RPL4: variants seen among roughly 807,000 people sequenced by gnomAD.
The protein encoded by RPL4 is ribosomal protein L4, also known as large ribosomal subunit protein uL4.
RPL4 carries 3 observed loss-of-function variants against 47.7 expected under a neutral mutation model. That is an observed-to-expected ratio of 0.06 (90% CI 0.03 to 0.16). The LOEUF (loss-of-function observed/expected upper bound fraction) is 0.16, where lower values mean the gene tolerates loss of function less well. Ranked by LOEUF, RPL4 falls within the 10% of genes least tolerant of loss-of-function variation. The probability of loss-of-function intolerance (pLI) is 1.00; values close to 1 mark genes in which losing one functional copy is unlikely to be tolerated. For synonymous variants in RPL4, 208 were observed against 182.1 expected (o/e 1.14, Z -1.15); for missense variants, 413 against 551.3 (o/e 0.75, Z 2.51).
Position 66,503,500 on chromosome 15 carries a change from G to A in RPL4, c.33C>T (p.Tyr11=), listed in dbSNP as rs777018351. MACARPLISV[Y]SEKGESSGKN... ...TGCCAGATGACTCCCCCTTTTCGGA[G>A]TACACCGATATCAGTGGGCGAGCAC... The change falls in exon 2 of 10, where the codon TAC becomes TAT. Residue 11 remains tyrosine, a synonymous_variant. Transcript: ENST00000307961. 8 of 1,609,544 alleles carry A rather than the reference G, an allele frequency of 5.0e-6. No homozygotes were observed. In the South Asian group the frequency reaches 5.5e-5, roughly 11 times the overall value.
intron 1 of RPL4, among the ~76,000 whole-genome samples, chr15:66,504,466 G>T (rs528592201): frequency 6.6e-6 from 1 of 152,308 alleles, no homozygotes; most frequent in South Asian, 2.1e-4. Context: ...TAATAGAAAT[G>T]ATTCCCAAGC....
intron 1 of RPL4, 50 bp from the exon 2 acceptor site, chr15:66,503,579 A>G (rs913552805): frequency 6.5e-7 from 1 of 1,531,318 alleles, no homozygotes; most frequent in African/African-American, 1.4e-5. Context: ...TGTTTGAAGC[A>G]AACTCTTCTC....
chr15:66,500,450 T>C (rs895835127), intron 7 of RPL4, 74 bp from the exon 8 acceptor site: 2 of 1,305,744 alleles, frequency 1.5e-6, no homozygotes, highest in African/African-American at 2.9e-5. Flanking sequence ...TGAAGCTTTA[T>C]TTTTAGCCAC....
At chr15:66,500,732 C>T (rs1294278127) in intron 7 of RPL4, 16 of 594,820 alleles carry the variant, frequency 2.7e-5, no homozygotes, top group Middle Eastern at 8.7e-4. Flanking sequence ...CAGTAAGCCA[C>T]GATCACACCA....
chr15:66,501,516 G>A lies in RPL4; in HGVS notation c.547-12C>T, dbSNP rs372120666. On this transcript the variant is annotated splice_polypyrimidine_tract_variant and intron_variant, in intron 5 of 9. Coordinates refer to ENST00000307961, the MANE Select transcript of RPL4 (RefSeq NM_000968.4). ...TGAGAGGCATAGACCTACAAAGTGA[G>A]CAGTTTTAGTATTCTGATTAAGATA... 1.2e-6 allele frequency: 2 copies of A among 1,613,882 alleles called. No individual in the cohort carries two copies. The highest frequency in any genetic ancestry group is 2.2e-5 in the South Asian group (2 of 91,050).
chr15:66,501,059 A>T lies in RPL4; in HGVS notation c.723T>A (p.Ala241=). ...AGAAACGTCCCACATGCCCACCAGG[A>T]GCAAGCTTCAAAATGTTCAGCTTGC... ...NVSKLNILKL[A]PGGHVGRFCI... The change falls in exon 7 of 10, where the codon GCT becomes GCA. Residue 241 remains alanine (A), a synonymous_variant. Coordinates refer to ENST00000307961, the MANE Select transcript of RPL4 (RefSeq NM_000968.4). 1 of 1,614,048 alleles carries T rather than the reference A, an allele frequency of 6.2e-7. No homozygotes were observed. The highest frequency in any genetic ancestry group is 8.5e-7 in the Non-Finnish European group (1 of 1,180,008).
Position 66,502,454 on chromosome 15 carries a change from G to T in RPL4, c.421+158C>A, listed in dbSNP as rs1214425440. ...TGTCAAGATCAAATCAGTGTAACTG[G>T]AATATCCATGAACTAAAATATTTTA... On this transcript the variant is annotated intron_variant, in intron 4 of 9. Coordinates refer to ENST00000307961, the MANE Select transcript of RPL4 (RefSeq NM_000968.4). The T allele has an allele frequency of 1.7e-5, 13 of 760,618 alleles. No individual in the cohort carries two copies. The East Asian group carries it at 3.6e-4, about 21-fold the overall frequency. The allele number at this position is 760,618 out of a possible 1,614,324, so 47.1% of individuals were successfully genotyped here.
At chr15:66,501,330 A>T in intron 6 of RPL4, 45 bp downstream of exon 6, 1 of 1,613,242 alleles carries the variant, frequency 6.2e-7, no homozygotes, top group Non-Finnish European at 8.5e-7. Flanking sequence ...AGCTGAGTAG[A>T]CTTGCAGAGT....
intron 7 of RPL4, 199 bp from the exon 8 acceptor site, chr15:66,500,575 C>T (rs1893590247): frequency 1.7e-6 from 1 of 591,120 alleles, no homozygotes; most frequent in African/African-American, 1.9e-5. Flanking sequence ...GGGTGGATCA[C>T]CTAAGGTCAG....
Position 66,501,867 on chromosome 15 carries a change from T to A in RPL4, c.467A>T (p.Asp156Val). ...EVPELPLVVE[D>V]KVEGYKKTKE... is the part of the protein sequence containing the mutation. ...GGTCTTCTTGTAGCCTTCAACTTTA[T>A]CTTCAACTACCAAAGGAAGTTCAGG... is the stretch of plus-strand genomic sequence containing the variant. Residue 156 changes from aspartate to valine, a missense_variant, in exon 5 of 10, where the codon GAT (aspartate) becomes GTT (valine). Around this residue, in one of 4 missense-constraint regions of RPL4, gnomAD observed 214 missense variants for 304.2 expected, o/e 0.70. Transcript: ENST00000307961. The A allele has an allele frequency of 6.2e-7, 1 of 1,612,226 alleles. No individual in the cohort carries two copies. Among genetic ancestry groups the A allele is most frequent in the South Asian group, 1.1e-5 (1 of 90,926 alleles).
chr15:66,501,776 C>A lies in RPL4; in HGVS notation c.546+12G>T. 1.2e-6 allele frequency: 2 copies of A among 1,606,856 alleles called. No individual in the cohort carries two copies. The highest frequency in any genetic ancestry group is 2.2e-5 in the South Asian group (2 of 89,588). On this transcript the variant is annotated intron_variant, in intron 5 of 9. Coordinates refer to ENST00000307961, the MANE Select transcript of RPL4 (RefSeq NM_000968.4). ...AGGAGTACCAAACTGTAAATGTGCT[C>A]ATTGAACGGACCTTTTTGATATCAT...
chr15:66,501,318 A>G, intron 6 of RPL4, 57 bp downstream of exon 6: 1 of 1,611,714 alleles, frequency 6.2e-7, no homozygotes, highest in South Asian at 1.1e-5. Context: ...CATCATAACA[A>G]AAGCTGAGTA....
Position 66,499,152 on chromosome 15 carries a change from CACA to C in RPL4, c.*252_*254del, listed in dbSNP as rs1893541808. On this transcript the variant is annotated 3_prime_UTR_variant, in exon 10 of 10. Coordinates refer to ENST00000307961, the MANE Select transcript of RPL4 (RefSeq NM_000968.4). ...TTTCAAGCCACATTATTTAGAAAAC[CACA>C]ACTTTTTTTAAATCATTCCCCTTCC... 1.3e-5 allele frequency: 5 copies of C among 388,858 alleles called. No homozygotes were observed. The highest frequency in any genetic ancestry group is 1.2e-4 in the South Asian group (3 of 24,966). The allele number at this position is 388,858 out of a possible 1,614,324, so 24.1% of individuals were successfully genotyped here.
At position 66,499,123 on chromosome 15, in the gene RPL4, T is replaced by G; in HGVS notation, c.*284A>C. The G allele has an allele frequency of 3.1e-6, 1 of 320,424 alleles. No individual in the cohort carries two copies. Among genetic ancestry groups the G allele is most frequent in the Non-Finnish European group, 5.7e-6 (1 of 174,012 alleles). 19.8% of individuals were successfully genotyped at this position (320,424 alleles called of 1,614,324 possible). On this transcript the variant is annotated 3_prime_UTR_variant, in exon 10 of 10. Transcript: ENST00000307961. ...GTTTCTGACCAAGTCCTGTTACACC[T>G]ATTTTTCAAGCCACATTATTTAGAA... is the stretch of plus-strand genomic sequence containing the variant.
intron 2 of RPL4, 61 bp downstream of exon 2, chr15:66,503,296 TG>T: frequency 6.2e-7 from 1 of 1,601,972 alleles, no homozygotes. Flanking sequence ...ACCAATGAAG[TG>T]GAATTTCATC....
In RPL4 at chr15:66,501,350, C is replaced by T. The variant is rs371015044; in HGVS notation, c.676+25G>A. The T allele has an allele frequency of 6.8e-6, 11 of 1,613,838 alleles. No homozygotes were observed. In the African/African-American group the frequency reaches 1.5e-4, roughly 22 times the overall value. ...AGTAGACTTGCAGAGTATACCTAGT[C>T]AATATATGTAAGCAGTTTAATTACC... On this transcript the variant is annotated intron_variant, in intron 6 of 9. Coordinates refer to ENST00000307961, the MANE Select transcript of RPL4 (RefSeq NM_000968.4).
In RPL4 at chr15:66,498,313, A is replaced by G. The variant is rs1893518407; in HGVS notation, c.*1094T>C. ...GCCGTGCTAAGAAACGACGTGCTTAAGAACTGAGATTTGGCCCTGGAAATG... is the reference window on the plus strand; with the variant it reads ...GCCGTGCTAAGAAACGACGTGCTTAGGAACTGAGATTTGGCCCTGGAAATG... On this transcript the variant is annotated 3_prime_UTR_variant, in exon 10 of 10. Coordinates refer to ENST00000307961, the MANE Select transcript of RPL4 (RefSeq NM_000968.4). The G allele has an allele frequency of 6.5e-6, 1 of 152,716 alleles. No individual in the cohort carries two copies. Among genetic ancestry groups the G allele is most frequent in the Non-Finnish European group, 1.5e-5 (1 of 68,352 alleles). 9.5% of individuals were successfully genotyped at this position (152,716 alleles called of 1,614,324 possible). A position where few individuals can be genotyped will look rare whatever the true frequency, so the allele number is the denominator to read the frequency against.
rs1893514491 is a variant in RPL4 at position 66,498,184 on chromosome 15, A to G, written c.*1223T>C. Reference sequence around the variant, plus strand: ...TGAAGGCAGGCACCAAATCAGTAGCACATGAACTCTACTGTGTTAAGAGGC... The same window carrying G: ...TGAAGGCAGGCACCAAATCAGTAGCGCATGAACTCTACTGTGTTAAGAGGC... On this transcript the variant is annotated 3_prime_UTR_variant, in exon 10 of 10. Coordinates refer to ENST00000307961, the MANE Select transcript of RPL4 (RefSeq NM_000968.4). 1 of 181,622 alleles carries G rather than the reference A, an allele frequency of 5.5e-6. No individual in the cohort carries two copies. The highest frequency in any genetic ancestry group is 5.6e-5 in the Admixed American group (1 of 17,988). The allele number at this position is 181,622 out of a possible 1,614,324, so 11.3% of individuals were successfully genotyped here.
At chr15:66,501,967 A>G in intron 4 of RPL4, 55 bp from the exon 5 acceptor site, 1 of 1,581,612 alleles carries the variant, frequency 6.3e-7, no homozygotes, top group African/African-American at 1.4e-5. Flanking sequence ...GGAGAAAAAA[A>G]AAAAATCAAA....
Sources: allele counts gnomAD v4.1 joint callset (sites outside exome capture counted in the v4.1 genomes callset), GRCh38; gene constraint gnomAD v4.1.1; regional missense constraint gnomAD v4.1.1; transcripts MANE v1.5; gene names NCBI Gene and HGNC (gene_info 2026-07-23, HGNC 2026-07-21).